Variants in RBM34 observed in about 807,000 individuals in gnomAD.
RBM34 encodes RNA-binding protein 34.
RBM34 carries 39 observed loss-of-function variants against 44.6 expected under a neutral mutation model. That is an observed-to-expected ratio of 0.87 (90% CI 0.68 to 1.14). The LOEUF (loss-of-function observed/expected upper bound fraction) is 1.14, where lower values mean the gene tolerates loss of function less well. Ranked by LOEUF, RBM34 falls within the 50% of genes most tolerant of loss-of-function variation. The pLI, the probability that RBM34 is intolerant of heterozygous loss-of-function variation, is 0.00. For synonymous variants in RBM34, 194 were observed against 184.0 expected (o/e 1.05, Z -0.44); for missense variants, 572 against 517.9 (o/e 1.10, Z -1.01).
Position 235,146,018 on chromosome 1 carries a change from C to T in RBM34, c.701+2386G>A, listed in dbSNP as rs117573745. On this transcript the variant is annotated intron_variant, in intron 6 of 10. Coordinates refer to ENST00000408888, the MANE Select transcript of RBM34 (RefSeq NM_015014.4). ...GAAGACAGGGTCTCACTCTATCACC[C>T]GGGCTGGAGTGCCAGGGGTGCAATC... Among the ~76,000 whole-genome samples, 231 of 145,836 alleles carry T rather than the reference C, an allele frequency of 1.6e-3. 5 individuals are homozygous for T. The South Asian group carries it at 0.024, about 15-fold the overall frequency.
intron 4 of RBM34, 87 bp downstream of exon 4, chr1:235,154,794 T>C: frequency 9.8e-7 from 1 of 1,019,074 alleles, no homozygotes; most frequent in Non-Finnish European, 1.5e-6. Flanking sequence ...AATGAAGTTA[T>C]ATCCATGACT....
rs1662686497 is a variant in RBM34, at chr1:235,160,918, T to G, written c.203A>C (p.Gln68Pro). Residue 68 changes from glutamine to proline, a missense_variant, in exon 2 of 11, where the codon CAA (glutamine) becomes CCA (proline). By Grantham distance (76) the Gln-to-Pro change is moderately conservative. Coordinates refer to ENST00000408888, the MANE Select transcript of RBM34 (RefSeq NM_015014.4). ...TTTAGGCACAGGCACGTACACGGGT[T>G]GAATCTGGGGCTCCAGAGAACTGAA... ...SLFSSLEPQI[Q>P]PVYVPVPKQT... 1 of 1,614,140 alleles carries G rather than the reference T, an allele frequency of 6.2e-7. No individual in the cohort carries two copies. Among genetic ancestry groups the G allele is most frequent in the Non-Finnish European group, 8.5e-7 (1 of 1,180,032 alleles).
intron 3 of RBM34, among the ~76,000 whole-genome samples, chr1:235,159,564 A>AT (rs1291854722): frequency 1.3e-4 from 19 of 149,514 alleles, no homozygotes; most frequent in African/African-American, 3.4e-4. Context: ...AAAAAAAAAA[A>AT]TTTTTTTTTT....
At position 235,161,215 on chromosome 1, in the gene RBM34, T is replaced by C. The variant is rs747886801; in HGVS notation, c.12A>G (p.Glu4=). 3.7e-6 allele frequency: 6 copies of C among 1,612,822 alleles called. No homozygotes were observed. Among genetic ancestry groups the C allele is most frequent in the Admixed American group, 1.7e-5 (1 of 59,712 alleles). The part of the protein sequence containing the change: MAL[E]GMSKRKRKRS... ...TCTTTCTCTTCCGTTTGCTCATCCCTTCCAAGGCCATTCTTACTCCAAAGA... is the reference window on the plus strand; with the variant it reads ...TCTTTCTCTTCCGTTTGCTCATCCCCTCCAAGGCCATTCTTACTCCAAAGA... The change falls in exon 1 of 11, where the codon GAA becomes GAG. Residue 4 remains glutamate (E), a synonymous_variant. Coordinates refer to ENST00000408888, the MANE Select transcript of RBM34 (RefSeq NM_015014.4).
chr1:235,134,856 T>C (rs940555928), intron 10 of RBM34, among the ~76,000 whole-genome samples: 13 of 151,788 alleles, frequency 8.6e-5, no homozygotes, highest in African/African-American at 1.2e-4. Context: ...GCGATTGTCC[T>C]GCCTCAGCCT....
chr1:235,160,737 C>T (rs950194847), intron 2 of RBM34, 90 bp from the exon 3 acceptor site: 6 of 1,523,394 alleles, frequency 3.9e-6, no homozygotes, highest in Non-Finnish European at 5.4e-6. Flanking sequence ...ATGAGAATCT[C>T]TTCTCTCTCA....
Position 235,138,190 on chromosome 1 carries a change from AAAAAG to A in RBM34, c.702-21_702-17del. The A allele has an allele frequency of 1.9e-6, 3 of 1,554,384 alleles. No individual in the cohort carries two copies. The highest frequency in any genetic ancestry group is 2.6e-6 in the Non-Finnish European group (3 of 1,150,930). On this transcript the variant is annotated splice_polypyrimidine_tract_variant and intron_variant, in intron 6 of 10. Coordinates refer to ENST00000408888, the MANE Select transcript of RBM34 (RefSeq NM_015014.4). Reference sequence around the variant, plus strand: ...AATTTTACGTCTACACCAAAAAAAAAAAAAGAAAGAAAGAAAAGAGAGACAAGGTA... The same window carrying A: ...AATTTTACGTCTACACCAAAAAAAAAAAAGAAAGAAAAGAGAGACAAGGTA...
chr1:235,135,795 G>C (rs1375011534), intron 9 of RBM34, 25 bp from the exon 10 acceptor site: 1 of 1,583,014 alleles, frequency 6.3e-7, no homozygotes. Context: ...AATCAAAATG[G>C]AAGTAAAGAG....
chr1:235,138,078 G>A lies in RBM34; in HGVS notation c.785+13C>T. 1.3e-6 allele frequency: 2 copies of A among 1,593,180 alleles called. No homozygotes were observed. Among genetic ancestry groups the A allele is most frequent in the Non-Finnish European group, 1.7e-6 (2 of 1,165,750 alleles). On this transcript the variant is annotated intron_variant, in intron 7 of 10. Transcript: ENST00000408888. ...GGACAATTATTCTGTTCAAACCTAA[G>A]GGATAAAATTACCTTTTCAATGCTT...
chr1:235,134,006 G>A (rs1261093630), intron 10 of RBM34, among the ~76,000 whole-genome samples: 2 of 152,042 alleles, frequency 1.3e-5, no homozygotes, highest in African/African-American at 2.4e-5. Context: ...CACAGGCGCT[G>A]GCCACCATGA....
intron 3 of RBM34, among the ~76,000 whole-genome samples, chr1:235,159,212 C>CA (rs1352095926): frequency 4.2e-3 from 353 of 84,552 alleles, no homozygotes; most frequent in Middle Eastern, 7.0e-3. Context: ...GACCTTGTCT[C>CA]AAAAAAAAAA....
intron 10 of RBM34, among the ~76,000 whole-genome samples, chr1:235,133,331 ACT>A (rs1477138610): frequency 2.0e-5 from 3 of 152,170 alleles, no homozygotes; most frequent in Non-Finnish European, 2.9e-5. Flanking sequence ...ACAGAGTGAG[ACT>A]CTGTCTCAAA....
intron 3 of RBM34, among the ~76,000 whole-genome samples, chr1:235,159,158 A>G (rs1463375885): frequency 6.7e-6 from 1 of 150,350 alleles, no homozygotes; most frequent in Non-Finnish European, 1.5e-5. Flanking sequence ...GATTGCAGTG[A>G]GCCGCAATCG....
intron 4 of RBM34, 24 bp from the exon 5 acceptor site, chr1:235,152,789 CATT>C: frequency 6.6e-7 from 1 of 1,505,590 alleles, no homozygotes; most frequent in South Asian, 1.2e-5. Flanking sequence ...AAAAAATACA[CATT>C]AGCTGACCTT....
intron 6 of RBM34, among the ~76,000 whole-genome samples, chr1:235,141,785 T>C (rs190649619): frequency 6.6e-6 from 1 of 151,318 alleles, no homozygotes; most frequent in Non-Finnish European, 1.5e-5. Flanking sequence ...TAACACTCAC[T>C]GCGAAGGTCT....
intron 10 of RBM34, among the ~76,000 whole-genome samples, chr1:235,134,844 A>C (rs1415069177): frequency 6.6e-6 from 1 of 150,946 alleles, no homozygotes; most frequent in African/African-American, 2.4e-5. Context: ...TCCCGGGTTC[A>C]AGCGATTGTC....
chr1:235,148,034 T>G (rs1661980860), intron 6 of RBM34, among the ~76,000 whole-genome samples: 1 of 152,248 alleles, frequency 6.6e-6, no homozygotes, highest in South Asian at 2.1e-4. Context: ...AGGCTGGCAG[T>G]ATACCCAGGT....
At chr1:235,158,116 G>A (rs1324859586) in intron 3 of RBM34, among the ~76,000 whole-genome samples, 10 of 151,924 alleles carry the variant, frequency 6.6e-5, no homozygotes, top group Admixed American at 6.6e-4. Flanking sequence ...GTCTATATTA[G>A]CAGAAAGAGG....
chr1:235,151,327 T>C lies in RBM34; in HGVS notation c.657+1379A>G, dbSNP rs182637464. ...GTGAGAATGGATGGAAGTAAGCAGA[T>C]ATATTGAAATCAGGGTCTGGCAAGA... On this transcript the variant is annotated intron_variant, in intron 5 of 10. Transcript: ENST00000408888. Among the ~76,000 whole-genome samples the C allele has an allele frequency of 9.9e-4, 150 of 152,126 alleles. 2 individuals are homozygous for C. In the South Asian group the frequency reaches 0.017, roughly 17 times the overall value.
Sources: gnomAD v4.1 joint callset for allele counts (sites outside exome capture counted in the v4.1 genomes callset) on GRCh38, gnomAD v4.1.1 for gene constraint, MANE v1.5 for transcripts, NCBI Gene and HGNC (gene_info 2026-07-23, HGNC 2026-07-21) for gene names.